STIL: variants seen among roughly 807,000 people sequenced by gnomAD.
STIL encodes the protein STIL centriolar assembly protein.
In STIL, 55 loss-of-function variants were observed where a neutral mutation model predicts 110.1. The observed-to-expected ratio is 0.50, with a 90% CI of 0.40 to 0.63. The LOEUF is 0.63. STIL is among the 20% of genes least tolerant of loss of function. The pLI is 0.00. For synonymous variants in STIL, 481 were observed against 530.0 expected, an observed-to-expected ratio of 0.91 and a Z score of 1.27; for missense variants, 1,358 against 1,530.0, an observed-to-expected ratio of 0.89 and a Z score of 1.87.
chr1:47,276,514 AAAC>A (rs1190471164), intron 12 of STIL, among the ~76,000 whole-genome samples: 1 of 152,010 alleles, frequency 6.6e-6, no homozygotes, highest in Non-Finnish European at 1.5e-5. Context: ...ATGTAAATTA[AAAC>A]AACTTCTAGG....
In STIL at chr1:47,280,733, A is replaced by T; in HGVS notation, c.1725T>A (p.Val575=). ...GTCTTCCTGAATTATGGGGTGAAAA[A>T]ACAAAATCGTGTGGTTGGGACTGCG... is the stretch of plus-strand genomic sequence containing the variant. ...LAPQSQPHDF[V]FSPHNSGRPM... The change falls in exon 12 of 17, where the codon GTT becomes GTA. Residue 575 remains valine (V), a synonymous_variant. Transcript: ENST00000371877. 6.2e-7 allele frequency: 1 copy of T among 1,613,992 alleles called. No individual in the cohort carries two copies. Among genetic ancestry groups the T allele is most frequent in the Non-Finnish European group, 8.5e-7 (1 of 1,179,920 alleles).
At chr1:47,252,803 AC>A (rs1644223276) in intron 16 of STIL, among the ~76,000 whole-genome samples, 1 of 150,624 alleles carries the variant, frequency 6.6e-6, no homozygotes, top group Non-Finnish European at 1.5e-5. Flanking sequence ...ACACACACAC[AC>A]ACACACACAC....
intron 8 of STIL, 85 bp from the exon 9 acceptor site, chr1:47,289,670 G>A (rs1645419746): frequency 7.5e-7 from 1 of 1,336,580 alleles, no homozygotes; most frequent in East Asian, 2.3e-5. Context: ...TCCCAATCTA[G>A]TTAACAAAAT....
intron 8 of STIL, among the ~76,000 whole-genome samples, chr1:47,290,933 C>T (rs1645467688): frequency 6.6e-6 from 1 of 152,152 alleles, no homozygotes; most frequent in African/African-American, 2.4e-5. Context: ...CTCTTTGCTG[C>T]TCCTTGAAGA....
rs781228431 is a variant in STIL, at chr1:47,251,913, T to C, written c.3090A>G (p.Ala1030=). Residue 1030 remains alanine, a synonymous_variant, in exon 17 of 17, where the codon GCA becomes GCG. Coordinates refer to ENST00000371877, the MANE Select transcript of STIL (RefSeq NM_001048166.1). The part of the protein sequence containing the change: ...AHNVDHASVL[A]CISPEAVISG... ...AGATCACTGCTTCTGGGCTGATGCA[T>C]GCCAACACACTGAAAGACACAAAGT... is the stretch of plus-strand genomic sequence containing the variant. 1.2e-6 allele frequency: 2 copies of C among 1,611,286 alleles called. No individual in the cohort carries two copies. The highest frequency in any genetic ancestry group is 2.2e-5 in the South Asian group (2 of 90,476).
intron 14 of STIL, among the ~76,000 whole-genome samples, chr1:47,263,787 A>G (rs1013846410): frequency 8.4e-6 from 1 of 119,680 alleles, no homozygotes; most frequent in Non-Finnish European, 1.6e-5. Context: ...GAGTCTCACC[A>G]TGTCACCCAG....
chr1:47,287,355 T>C (rs1645332166), intron 10 of STIL, among the ~76,000 whole-genome samples, 196 bp downstream of exon 10: 1 of 152,170 alleles, frequency 6.6e-6, no homozygotes, highest in African/African-American at 2.4e-5. Flanking sequence ...AAAACCATAT[T>C]AGAGTTGCCA....
chr1:47,251,154 C>A lies in STIL; in HGVS notation c.3849G>T (p.Gln1283His), dbSNP rs988871000. 5 of 1,613,824 alleles carry A rather than the reference C, an allele frequency of 3.1e-6. No individual in the cohort carries two copies. Among genetic ancestry groups the A allele is most frequent in the Middle Eastern group, 1.6e-4 (1 of 6,070 alleles). The change falls in exon 17 of 17, where the codon CAG becomes CAT. Residue 1283 changes from glutamine (Q) to histidine (H), a missense_variant. Transcript: ENST00000371877. ...TAAAAGGTTAAAATAATTTTGGTAA[C>A]TGTCTGAGACGTTTTACATCTAAGA... ...GTFLDVKRLR[Q>H]LPKLF
At chr1:47,284,333 A>G (rs1326543155) in intron 10 of STIL, among the ~76,000 whole-genome samples, 3 of 152,240 alleles carry the variant, frequency 2.0e-5, no homozygotes, top group Non-Finnish European at 4.4e-5. Context: ...AGCTTAGGCC[A>G]GAATGGAAAA....
intron 16 of STIL, among the ~76,000 whole-genome samples, chr1:47,259,177 G>A (rs959364006): frequency 1.3e-5 from 2 of 151,108 alleles, no homozygotes; most frequent in South Asian, 2.1e-4. Context: ...TAGTAGAGAC[G>A]GGGTTTCACC....
In STIL at chr1:47,272,176, G is replaced by A; in HGVS notation, c.2283C>T (p.Asp761=). 1 of 1,614,144 alleles carries A rather than the reference G, an allele frequency of 6.2e-7. No homozygotes were observed. Among genetic ancestry groups the A allele is most frequent in the South Asian group, 1.1e-5 (1 of 91,082 alleles). ...PCSPKTTAVE[D]TVQAGRQMEL... ...CCATTTGTCTTCCAGCTTGCACTGT[G>A]TCTTCAACAGCAGTTGTCTTAGGGG... The change falls in exon 13 of 17, where the codon GAC becomes GAT. Residue 761 remains aspartate, a synonymous_variant. Transcript: ENST00000371877.
chr1:47,295,721 G>T lies in STIL; in HGVS notation c.785+44C>A. On this transcript the variant is annotated intron_variant, in intron 7 of 16. Coordinates refer to ENST00000371877, the MANE Select transcript of STIL (RefSeq NM_001048166.1). The stretch of plus-strand genomic sequence containing the variant: ...AGTCACATGCTTATCATATACATTT[G>T]AACATTTGGCTGATAAGGTTTTCAT... The T allele has an allele frequency of 2.3e-6, 3 of 1,319,896 alleles. No homozygotes were observed. The South Asian group carries it at 3.5e-5, about 16-fold the overall frequency. The allele number at this position is 1,319,896 out of a possible 1,614,324, so 81.8% of individuals were successfully genotyped here. A position where few individuals can be genotyped will look rare whatever the true frequency, so the allele number is the denominator to read the frequency against.
chr1:47,290,401 C>A (rs1645447519), intron 8 of STIL, among the ~76,000 whole-genome samples: 1 of 152,164 alleles, frequency 6.6e-6, no homozygotes, highest in Admixed American at 6.5e-5. Flanking sequence ...CTTGCTAGCA[C>A]AAGCAATATG....
chr1:47,251,084 T>C lies in STIL; in HGVS notation c.*52A>G. On this transcript the variant is annotated 3_prime_UTR_variant, in exon 17 of 17. Transcript: ENST00000371877. The stretch of plus-strand genomic sequence containing the variant: ...GTGGTAGGCTCCTGTTTTCCCTAAG[T>C]ATCTTCAGGAGACACCCTGTCCCTG... The C allele has an allele frequency of 6.5e-7, 1 of 1,548,586 alleles. No homozygotes were observed. Among genetic ancestry groups the C allele is most frequent in the Non-Finnish European group, 8.8e-7 (1 of 1,140,456 alleles).
intron 16 of STIL, 87 bp from the exon 17 acceptor site, chr1:47,252,009 A>G (rs1644198308): frequency 3.7e-6 from 5 of 1,364,862 alleles, no homozygotes; most frequent in Middle Eastern, 1.9e-4. Context: ...ACAAGCAACA[A>G]AAGATCTTCA....
At chr1:47,303,449 G>T (rs937412551) in intron 3 of STIL, among the ~76,000 whole-genome samples, 4 of 151,978 alleles carry the variant, frequency 2.6e-5, no homozygotes, top group African/African-American at 9.7e-5. Context: ...TCTGTAATTC[G>T]AGCTACTTGG....
chr1:47,273,791 A>G (rs1644909276), intron 12 of STIL, among the ~76,000 whole-genome samples: 1 of 152,214 alleles, frequency 6.6e-6, no homozygotes, highest in Non-Finnish European at 1.5e-5. Flanking sequence ...TGCTCAATAT[A>G]ATTTTAGTGG....
intron 10 of STIL, 48 bp from the exon 11 acceptor site, chr1:47,282,507 T>C (rs763043641): frequency 8.7e-7 from 1 of 1,155,332 alleles, no homozygotes; most frequent in Non-Finnish European, 1.3e-6. Context: ...AATCCAGTGT[T>C]TTCTTTCTTC....
chr1:47,300,755 C>T (rs2149190223), intron 5 of STIL, among the ~76,000 whole-genome samples: 1 of 152,352 alleles, frequency 6.6e-6, no homozygotes, highest in South Asian at 2.1e-4. Flanking sequence ...AGCCACCGTG[C>T]CTGGCCTCAT....
Sources: allele counts gnomAD v4.1 joint callset (sites outside exome capture counted in the v4.1 genomes callset), GRCh38; gene constraint gnomAD v4.1.1; transcripts MANE v1.5; gene names NCBI Gene and HGNC (gene_info 2026-07-23, HGNC 2026-07-21).